Variants in FARP2 observed in about 807,000 individuals in gnomAD.
FARP2 encodes the protein FERM, ARHGEF and pleckstrin domain-containing protein 2.
In FARP2, 111 loss-of-function variants were observed where a neutral mutation model predicts 130.5. The observed-to-expected ratio is 0.85, with a 90% CI of 0.73 to 1.00. The LOEUF is 1.00. Ranked by LOEUF, FARP2 falls within the 50% of genes least tolerant of loss-of-function variation. The pLI, the probability that FARP2 is intolerant of heterozygous loss-of-function variation, is 0.00. For missense variants in FARP2, 1,385 were observed against 1,346.3 expected, an observed-to-expected ratio of 1.03 and a Z score of -0.45; for synonymous variants, 504 against 516.9, an observed-to-expected ratio of 0.98 and a Z score of 0.34.
At chr2:241,487,651 A>AGGTTGC (rs1553737837) in intron 21 of FARP2, among the ~76,000 whole-genome samples, 8 of 137,492 alleles carry the variant, frequency 5.8e-5, no homozygotes, top group South Asian at 4.8e-4. Context: ...TGGGTGACAG[A>AGGTTGC]ACAAGACTCC....
chr2:241,393,980 A>G (rs757147085), intron 2 of FARP2, among the ~76,000 whole-genome samples: 60 of 152,186 alleles, frequency 3.9e-4, no homozygotes, highest in Admixed American at 4.6e-4. Context: ...ATTTGAGTCA[A>G]TGTTGAGTTC....
chr2:241,487,775 A>AGT (rs2064793652), intron 21 of FARP2, among the ~76,000 whole-genome samples: 3 of 27,310 alleles, frequency 1.1e-4, no homozygotes, highest in African/African-American at 1.4e-4. Context: ...TTTGAGATGG[A>AGT]ATCGCTCTGT....
At chr2:241,438,486 G>A (rs189539042) in intron 12 of FARP2, among the ~76,000 whole-genome samples, 2,369 of 152,188 alleles carry the variant, frequency 0.016, 33 homozygotes, top group Non-Finnish European at 0.024. Flanking sequence ...GAGCCCAGGA[G>A]TTCAAGACTG....
At chr2:241,480,505 T>C (rs576729433) in intron 19 of FARP2, among the ~76,000 whole-genome samples, 24 of 150,712 alleles carry the variant, frequency 1.6e-4, no homozygotes, top group Non-Finnish European at 3.1e-4. Flanking sequence ...ATTTTTGACC[T>C]TGATACAATA....
intron 8 of FARP2, among the ~76,000 whole-genome samples, chr2:241,428,120 T>A (rs2063000838): frequency 6.6e-6 from 1 of 152,240 alleles, no homozygotes; most frequent in Non-Finnish European, 1.5e-5. Context: ...TATCTAGAAC[T>A]GGGGCTATGG....
intron 1 of FARP2, 140 bp downstream of exon 1, chr2:241,356,528 C>T (rs924341485): frequency 5.3e-5 from 8 of 152,326 alleles, no homozygotes; most frequent in African/African-American, 9.6e-5. Flanking sequence ...CCCGCCCGGC[C>T]TCTGAAGGCC....
At chr2:241,394,154 C>T (rs2061973928) in intron 2 of FARP2, among the ~76,000 whole-genome samples, 1 of 152,098 alleles carries the variant, frequency 6.6e-6, no homozygotes. Flanking sequence ...TTGTAGTCCA[C>T]CTGATAGTGA....
rs1020382992 is a variant in FARP2 at position 241,389,930 on chromosome 2, A to T, written c.184-13898A>T. ...GTTCATGCCATGACTCGAGCTTGGT[A>T]TGTGGGTTTGGATGTGACTTGCTTG... On this transcript the variant is annotated intron_variant, in intron 2 of 26. Transcript: ENST00000264042. 9.0e-4 allele frequency among the ~76,000 whole-genome samples: 137 copies of T among 152,280 alleles called. 1 individual carries two copies. The highest frequency in any genetic ancestry group is 3.5e-3 in the Admixed American group (53 of 15,284).
intron 2 of FARP2, among the ~76,000 whole-genome samples, chr2:241,378,700 A>G (rs1470484697): frequency 6.6e-6 from 1 of 152,154 alleles, no homozygotes; most frequent in Non-Finnish European, 1.5e-5. Context: ...GTGAGCTACC[A>G]CACCTAGCCA....
chr2:241,415,903 G>C (rs1389326711), intron 7 of FARP2, among the ~76,000 whole-genome samples: 1 of 152,154 alleles, frequency 6.6e-6, no homozygotes, highest in Non-Finnish European at 1.5e-5. Flanking sequence ...TGAAAGTGCA[G>C]TGAGGAGGCA....
intron 13 of FARP2, among the ~76,000 whole-genome samples, chr2:241,453,410 C>A (rs957132571): frequency 6.6e-6 from 1 of 151,930 alleles, no homozygotes; most frequent in Non-Finnish European, 1.5e-5. Flanking sequence ...ATCACAAGGT[C>A]AGGAGATCGA....
At chr2:241,442,849 T>G (rs1574834948) in intron 13 of FARP2, 1 of 254,902 alleles carries the variant, frequency 3.9e-6, no homozygotes, top group East Asian at 1.1e-4. Flanking sequence ...TGCTATACAT[T>G]CTGAATGTTA....
Position 241,456,865 on chromosome 2 carries a change from C to A in FARP2, c.1530C>A (p.Ser510Arg), listed in dbSNP as rs1027672876. 2 of 1,613,450 alleles carry A rather than the reference C, an allele frequency of 1.2e-6. No homozygotes were observed. The highest frequency in any genetic ancestry group is 2.2e-5 in the East Asian group (1 of 44,840). ...AACAGGGCTCATCCCCACTCCTGAG[C>A]CCTGTCCTCAGTGATGCTGGCGGAG... Reference protein sequence around the residue: ...PAEQGSSPLLSPVLSDAGGAG... With the variant: ...PAEQGSSPLLRPVLSDAGGAG... Residue 510 changes from serine to arginine, a missense_variant, in exon 14 of 27, where the codon AGC (serine) becomes AGA (arginine). Ser to Arg is a moderately radical substitution (Grantham distance 110, BLOSUM62 -1). Transcript: ENST00000264042.
intron 2 of FARP2, among the ~76,000 whole-genome samples, chr2:241,383,603 A>G (rs1430027368): frequency 1.3e-5 from 2 of 152,188 alleles, no homozygotes; most frequent in East Asian, 3.9e-4. Context: ...CCAGGTCAGG[A>G]CAAGAGGGGA....
At chr2:241,425,741 CTTTTT>C (rs34033002) in intron 8 of FARP2, among the ~76,000 whole-genome samples, 2 of 111,236 alleles carry the variant, frequency 1.8e-5, no homozygotes, top group Non-Finnish European at 3.6e-5. Context: ...CTCTCTCTCT[CTTTTT>C]TTTTTTTTTT....
chr2:241,483,871 G>A (rs527935376), intron 20 of FARP2: 20 of 985,406 alleles, frequency 2.0e-5, no homozygotes, highest in East Asian at 1.1e-4. Context: ...ATGGCCAGTC[G>A]GGACAGTTTC....
At chr2:241,474,198 C>T (rs868456365) in intron 18 of FARP2, among the ~76,000 whole-genome samples, 54 of 150,824 alleles carry the variant, frequency 3.6e-4, no homozygotes, top group African/African-American at 1.2e-3. Context: ...CCCAGCTACT[C>T]GGGAGGCTGA....
intron 8 of FARP2, among the ~76,000 whole-genome samples, chr2:241,426,499 AG>A (rs2150387334): frequency 6.6e-6 from 1 of 152,310 alleles, no homozygotes; most frequent in African/African-American, 2.4e-5. Flanking sequence ...ACAGATGTTG[AG>A]GAGGCAAGAT....
intron 13 of FARP2, among the ~76,000 whole-genome samples, chr2:241,454,785 C>T (rs2063787539): frequency 6.6e-6 from 1 of 152,188 alleles, no homozygotes; most frequent in African/African-American, 2.4e-5. Context: ...AGTGATGTTA[C>T]CTAGGTTTTC....
Sources: gnomAD v4.1 joint callset for allele counts (sites outside exome capture counted in the v4.1 genomes callset) on GRCh38, gnomAD v4.1.1 for gene constraint, MANE v1.5 for transcripts, NCBI Gene and HGNC (gene_info 2026-07-23, HGNC 2026-07-21) for gene names.